The following RALYL variants were observed in gnomAD, a reference collection of about 807,000 sequenced individuals.
The protein encoded by RALYL is RNA-binding Raly-like protein.
A neutral mutation model predicts 35.1 loss-of-function variants in RALYL; 29 were observed. That is an observed-to-expected ratio of 0.83 (90% CI 0.61 to 1.13). RALYL has a LOEUF of 1.13. RALYL is among the 50% of genes most tolerant of loss of function. The pLI is 0.00. For missense variants in RALYL, 359 were observed against 360.4 expected (o/e 1.00, Z 0.03); for synonymous variants, 120 against 127.6 (o/e 0.94, Z 0.40).
At chr8:84,682,893 G>A (rs1835890812) in intron 2 of RALYL, among the ~76,000 whole-genome samples, 2 of 151,938 alleles carry the variant, frequency 1.3e-5, no homozygotes, top group Admixed American at 6.6e-5. Context: ...GCTTTTGAAT[G>A]TGTTTGCTCT....
chr8:84,815,358 T>A (rs984948044), intron 4 of RALYL, among the ~76,000 whole-genome samples: 17 of 148,710 alleles, frequency 1.1e-4, no homozygotes, highest in East Asian at 3.9e-4. Context: ...GTCTATTTTT[T>A]AAATATTAAT....
At chr8:84,896,830 C>T (rs748166014) in intron 8 of RALYL, among the ~76,000 whole-genome samples, 3 of 152,244 alleles carry the variant, frequency 2.0e-5, no homozygotes, top group Non-Finnish European at 2.9e-5. Flanking sequence ...TGCAATACAA[C>T]CTAGTGGTCT....
intron 2 of RALYL, among the ~76,000 whole-genome samples, chr8:84,700,112 A>T (rs977368730): frequency 6.6e-6 from 1 of 152,056 alleles, no homozygotes; most frequent in African/African-American, 2.4e-5. Context: ...AAGATAAACT[A>T]AGTCTGGATA....
intron 1 of RALYL, among the ~76,000 whole-genome samples, chr8:84,326,645 AG>A (rs1845849981): frequency 6.6e-6 from 1 of 152,214 alleles, no homozygotes; most frequent in Non-Finnish European, 1.5e-5. Flanking sequence ...ACATGTTTCA[AG>A]ATCAAAACAT....
chr8:84,699,585 A>T (rs1258479901), intron 2 of RALYL, among the ~76,000 whole-genome samples: 1 of 152,054 alleles, frequency 6.6e-6, no homozygotes, highest in African/African-American at 2.4e-5. Context: ...GGCACTAATC[A>T]CATTTGTGAG....
intron 4 of RALYL, among the ~76,000 whole-genome samples, chr8:84,827,053 G>GA (rs1829880858): frequency 6.6e-6 from 1 of 151,676 alleles, no homozygotes; most frequent in Non-Finnish European, 1.5e-5. Flanking sequence ...TGAAGAACAA[G>GA]AAAAATCTTC....
chr8:84,517,063 G>A (rs538000530), intron 1 of RALYL, among the ~76,000 whole-genome samples: 9 of 152,104 alleles, frequency 5.9e-5, no homozygotes, highest in African/African-American at 2.2e-4. Flanking sequence ...TATCAAATTT[G>A]TAGAAGAAAT....
At chr8:84,396,119 T>G (rs913331796) in intron 1 of RALYL, among the ~76,000 whole-genome samples, 3 of 152,060 alleles carry the variant, frequency 2.0e-5, no homozygotes, top group Admixed American at 2.0e-4. Flanking sequence ...ATATTGTTTA[T>G]AAACTCAGCA....
At chr8:84,437,769 A>G (rs997468122) in intron 1 of RALYL, among the ~76,000 whole-genome samples, 1 of 152,046 alleles carries the variant, frequency 6.6e-6, no homozygotes, top group Non-Finnish European at 1.5e-5. Context: ...TCTGATTAAA[A>G]GTGTGTGGCA....
chr8:84,521,811 G>A (rs1564078541), intron 1 of RALYL, among the ~76,000 whole-genome samples: 2 of 151,960 alleles, frequency 1.3e-5, no homozygotes, highest in Non-Finnish European at 2.9e-5. Context: ...TATAACTATA[G>A]TTGTAACATT....
At chr8:84,732,295 A>G (rs1846323243) in intron 2 of RALYL, among the ~76,000 whole-genome samples, 1 of 152,120 alleles carries the variant, frequency 6.6e-6, no homozygotes, top group Non-Finnish European at 1.5e-5. Context: ...TGAACCATGA[A>G]TGATTAATAG....
chr8:84,874,085 C>G (rs574555108), intron 7 of RALYL, among the ~76,000 whole-genome samples: 2 of 152,248 alleles, frequency 1.3e-5, no homozygotes, highest in Admixed American at 6.5e-5. Context: ...AAAGTGTGCT[C>G]TATGAGGCTT....
intron 1 of RALYL, among the ~76,000 whole-genome samples, chr8:84,497,830 A>G (rs2056227724): frequency 6.6e-6 from 1 of 151,248 alleles, no homozygotes; most frequent in Non-Finnish European, 1.5e-5. Context: ...TTTAGTAGAG[A>G]CGGGGTTTCA....
intron 2 of RALYL, among the ~76,000 whole-genome samples, chr8:84,645,247 G>C (rs1827242059): frequency 6.6e-6 from 1 of 151,772 alleles, no homozygotes; most frequent in East Asian, 1.9e-4. Context: ...ACTATGTTGT[G>C]TTTTTGTTGT....
intron 2 of RALYL, among the ~76,000 whole-genome samples, chr8:84,652,051 G>T (rs1280042640): frequency 6.6e-6 from 1 of 151,990 alleles, no homozygotes; most frequent in African/African-American, 2.4e-5. Context: ...GGCCTAAAAT[G>T]TCTCATAAGG....
intron 2 of RALYL, among the ~76,000 whole-genome samples, chr8:84,538,557 CAT>C (rs1297268991): frequency 6.6e-6 from 1 of 151,998 alleles, no homozygotes; most frequent in African/African-American, 2.4e-5. Flanking sequence ...AGAATAAAAA[CAT>C]AGTGCCTCCA....
chr8:84,784,101 C>T (rs574738126), intron 3 of RALYL, among the ~76,000 whole-genome samples: 2 of 152,238 alleles, frequency 1.3e-5, no homozygotes, highest in East Asian at 1.9e-4. Context: ...TCTTTTTTCA[C>T]GCATTCTCTG....
chr8:84,414,054 A>G (rs1586962942), intron 1 of RALYL, among the ~76,000 whole-genome samples: 3 of 152,254 alleles, frequency 2.0e-5, no homozygotes. Context: ...ATTAAAGTGC[A>G]TATTTAAGCT....
At position 84,884,908 on chromosome 8, in the gene RALYL, G is replaced by A. The variant is rs112435461; in HGVS notation, c.686-2696G>A. On this transcript the variant is annotated intron_variant, in intron 7 of 8. Coordinates refer to ENST00000521268, the MANE Select transcript of RALYL (RefSeq NM_173848.7). The stretch of plus-strand genomic sequence containing the variant: ...TGACATAGAGTGGCAAGAAGTGAGC[G>A]GTTTAGATGATGTGTACAAAAACTT... 3.7e-3 allele frequency among the ~76,000 whole-genome samples: 567 copies of A among 152,112 alleles called. 3 individuals are homozygous for A. The highest frequency in any genetic ancestry group is 0.013 in the African/African-American group (533 of 41,514).
Sources: allele counts gnomAD v4.1 joint callset (sites outside exome capture counted in the v4.1 genomes callset), GRCh38; gene constraint gnomAD v4.1.1; transcripts MANE v1.5; gene names NCBI Gene and HGNC (gene_info 2026-07-23, HGNC 2026-07-21).